PCDH15: variants seen among roughly 807,000 people sequenced by gnomAD.
The protein encoded by PCDH15 is protocadherin related 15.
In PCDH15, 129 loss-of-function variants were observed where a neutral mutation model predicts 178.5. The observed-to-expected ratio is 0.72, with a 90% CI of 0.63 to 0.84. The LOEUF (loss-of-function observed/expected upper bound fraction) is 0.84. PCDH15 is among the 40% of genes least tolerant of loss of function. The pLI, the probability that PCDH15 is intolerant of heterozygous loss-of-function variation, is 0.00. For missense variants in PCDH15, 2,230 were observed against 2,099.9 expected (o/e 1.06, Z -1.21); for synonymous variants, 800 against 732.0 (o/e 1.09, Z -1.50).
At chr10:53,884,576 T>C (rs1313253236) in intron 26 of PCDH15, among the ~76,000 whole-genome samples, 1 of 152,194 alleles carries the variant, frequency 6.6e-6, no homozygotes, top group Non-Finnish European at 1.5e-5. Flanking sequence ...AGATAATACC[T>C]GTACTGAACA....
At chr10:55,275,565 G>A (rs963737693) in intron 1 of PCDH15, among the ~76,000 whole-genome samples, 6 of 151,688 alleles carry the variant, frequency 4.0e-5, no homozygotes, top group Admixed American at 6.6e-5. Flanking sequence ...TCATTTATCC[G>A]TACTTATAAG....
At chr10:54,568,103 A>G (rs2089298437) in intron 2 of PCDH15, among the ~76,000 whole-genome samples, 1 of 152,160 alleles carries the variant, frequency 6.6e-6, no homozygotes, top group South Asian at 2.1e-4. Context: ...ATTTAAAAAC[A>G]TATTTTCAAA....
intron 1 of PCDH15, among the ~76,000 whole-genome samples, chr10:54,776,967 G>A (rs933457987): frequency 6.6e-6 from 1 of 152,028 alleles, no homozygotes. Context: ...TAAAAGAAAT[G>A]TTTTCTTTTA....
intron 28 of PCDH15, among the ~76,000 whole-genome samples, chr10:53,846,129 T>G (rs947245024): frequency 6.6e-6 from 1 of 151,746 alleles, no homozygotes; most frequent in Non-Finnish European, 1.5e-5. Flanking sequence ...GTATTTAAAA[T>G]GCAAATAGTA....
chr10:54,243,366 G>C (rs2055600082), intron 8 of PCDH15, among the ~76,000 whole-genome samples: 1 of 152,092 alleles, frequency 6.6e-6, no homozygotes, highest in Non-Finnish European at 1.5e-5. Flanking sequence ...AATTAGTGGG[G>C]CATGGTGGCG....
intron 27 of PCDH15, among the ~76,000 whole-genome samples, chr10:53,858,676 A>C (rs560974074): frequency 2.6e-5 from 4 of 152,262 alleles, no homozygotes; most frequent in African/African-American, 9.6e-5. Flanking sequence ...CAAGCAGTTT[A>C]TGCTGGCAGT....
At chr10:55,538,248 G>T (rs548489812) in intron 2 of PCDH15, among the ~76,000 whole-genome samples, 1 of 152,234 alleles carries the variant, frequency 6.6e-6, no homozygotes, top group African/African-American at 2.4e-5. Flanking sequence ...CTTAGTAATA[G>T]AACTATTTTT....
At chr10:55,196,463 A>G (rs1276483407) in intron 1 of PCDH15, among the ~76,000 whole-genome samples, 1 of 151,826 alleles carries the variant, frequency 6.6e-6, no homozygotes, top group Non-Finnish European at 1.5e-5. Flanking sequence ...TTCTTTCTTT[A>G]TGTCTAATGC....
chr10:54,471,614 G>T (rs1315091564), intron 3 of PCDH15, among the ~76,000 whole-genome samples: 1 of 151,346 alleles, frequency 6.6e-6, no homozygotes, highest in African/African-American at 2.4e-5. Context: ...CTGACTTATT[G>T]CAGAATCTTC....
intron 1 of PCDH15, among the ~76,000 whole-genome samples, chr10:55,176,866 G>A (rs1185093470): frequency 2.0e-5 from 3 of 152,056 alleles, no homozygotes; most frequent in African/African-American, 4.8e-5. Context: ...AGCTAACTTG[G>A]ATGGTATTAC....
At chr10:55,175,002 A>G (rs2132127431) in intron 1 of PCDH15, among the ~76,000 whole-genome samples, 1 of 152,122 alleles carries the variant, frequency 6.6e-6, no homozygotes, top group Middle Eastern at 3.4e-3. Flanking sequence ...TACCACTGAG[A>G]AGCAGGCCGA....
chr10:55,273,555 G>A (rs77670030), intron 1 of PCDH15, among the ~76,000 whole-genome samples: 9,098 of 152,110 alleles, frequency 0.06, 961 homozygotes, highest in African/African-American at 0.21. Flanking sequence ...GGGGGTGTGT[G>A]TGACTGATGT....
chr10:54,911,162 A>G (rs1357855415), intron 2 of PCDH15, among the ~76,000 whole-genome samples: 2 of 152,200 alleles, frequency 1.3e-5, no homozygotes, highest in Non-Finnish European at 2.9e-5. Context: ...CAGATAACAC[A>G]GGTCTTCAGA....
intron 13 of PCDH15, among the ~76,000 whole-genome samples, chr10:54,166,914 G>A (rs889547322): frequency 2.6e-5 from 4 of 152,100 alleles, no homozygotes; most frequent in East Asian, 1.9e-4. Flanking sequence ...CCTCCACTGA[G>A]CACCTTGCGA....
At chr10:54,779,954 T>A (rs1359928620) in intron 1 of PCDH15, among the ~76,000 whole-genome samples, 1 of 152,254 alleles carries the variant, frequency 6.6e-6, no homozygotes, top group East Asian at 1.9e-4. Flanking sequence ...AACTACAGAA[T>A]CATAATTTAT....
chr10:53,922,657 T>G (rs1359738815), intron 25 of PCDH15, among the ~76,000 whole-genome samples: 2 of 152,226 alleles, frequency 1.3e-5, no homozygotes, highest in Admixed American at 6.5e-5. Context: ...TTGATAAAAT[T>G]TCTCCTTTAC....
intron 1 of PCDH15, among the ~76,000 whole-genome samples, chr10:55,241,797 T>A (rs540986049): frequency 6.6e-6 from 1 of 152,296 alleles, no homozygotes; most frequent in Admixed American, 6.5e-5. Flanking sequence ...ATTTTCTTCA[T>A]CAAAAGCACA....
intron 21 of PCDH15, among the ~76,000 whole-genome samples, chr10:53,966,822 A>G (rs1447089718): frequency 1.3e-5 from 2 of 151,606 alleles, no homozygotes; most frequent in Non-Finnish European, 2.9e-5. Context: ...AAACTAAAAT[A>G]ATATAGTAAA....
intron 29 of PCDH15, among the ~76,000 whole-genome samples, chr10:53,834,217 G>C (rs1171227834): frequency 1.3e-5 from 2 of 152,120 alleles, no homozygotes; most frequent in African/African-American, 2.4e-5. Context: ...TCTCACGAGA[G>C]AAAGTGGAAT....
Sources: gnomAD v4.1 joint callset for allele counts (sites outside exome capture counted in the v4.1 genomes callset) on GRCh38, gnomAD v4.1.1 for gene constraint, MANE v1.5 for transcripts, NCBI Gene and HGNC (gene_info 2026-07-23, HGNC 2026-07-21) for gene names.